The following GABARAPL1 variants were observed in gnomAD, a reference collection of about 807,000 sequenced individuals.
GABARAPL1 encodes gamma-aminobutyric acid receptor-associated protein-like 1.
Under a neutral mutation model 14.5 loss-of-function variants are expected in GABARAPL1, and 4 were observed. The ratio of observed to expected loss-of-function variants is 0.28; its 90% confidence interval spans 0.14 to 0.63. The LOEUF is 0.63. Among genes scored for constraint, GABARAPL1 ranks in the 30% least tolerant of loss-of-function variants. The pLI, the probability that GABARAPL1 is intolerant of heterozygous loss-of-function variation, is 0.84. For synonymous variants in GABARAPL1, 47 were observed against 50.6 expected, an observed-to-expected ratio of 0.93 and a Z score of 0.30; for missense variants, 82 against 139.2, an observed-to-expected ratio of 0.59 and a Z score of 2.07.
chr12:10,215,415 G>T (rs1199240005), intron 1 of GABARAPL1, among the ~76,000 whole-genome samples: 1 of 152,152 alleles, frequency 6.6e-6, no homozygotes, highest in East Asian at 1.9e-4. Context: ...GTTAGGAACA[G>T]ATTGTCTATT....
intron 2 of GABARAPL1, 46 bp downstream of exon 2, chr12:10,218,187 C>G (rs767228007): frequency 9.5e-7 from 1 of 1,051,220 alleles, no homozygotes; most frequent in South Asian, 1.3e-5. Flanking sequence ...TGAAAAAACT[C>G]TCTAGATCCT....
intron 2 of GABARAPL1, among the ~76,000 whole-genome samples, chr12:10,219,472 A>G (rs1176704799): frequency 6.6e-6 from 1 of 152,140 alleles, no homozygotes; most frequent in East Asian, 1.9e-4. Context: ...ACATTTTTTT[A>G]AACTAAGTTT....
At chr12:10,220,961 G>A (rs1949117774) in intron 3 of GABARAPL1, 1 of 1,261,926 alleles carries the variant, frequency 7.9e-7, no homozygotes, top group Admixed American at 3.7e-5. Context: ...CTCCCATTTA[G>A]CAACAGATTG....
intron 3 of GABARAPL1, 145 bp from the exon 4 acceptor site, chr12:10,221,642 C>A: frequency 1.0e-6 from 1 of 992,232 alleles, no homozygotes; most frequent in Non-Finnish European, 1.5e-6. Flanking sequence ...GTAATTCCAA[C>A]CACTTCTCCC....
rs1472742936 is a variant in GABARAPL1, at chr12:10,222,996, T to G, written c.*1144T>G. 6.6e-6 allele frequency: 1 copy of G among 152,626 alleles called. No homozygotes were observed. The highest frequency in any genetic ancestry group is 2.4e-5 in the African/African-American group (1 of 41,436). The allele number at this position is 152,626 out of a possible 1,614,324, so 9.5% of individuals were successfully genotyped here. ...ATTGCACTCAGACATGACATTTCAA[T>G]TCATCTCTGCTAATGAAAAGGGTTC... On this transcript the variant is annotated 3_prime_UTR_variant, in exon 4 of 4. Coordinates refer to ENST00000266458, the MANE Select transcript of GABARAPL1 (RefSeq NM_031412.4).
At chr12:10,217,960 C>G in intron 1 of GABARAPL1, 103 bp from the exon 2 acceptor site, 1 of 736,548 alleles carries the variant, frequency 1.4e-6, no homozygotes, top group South Asian at 1.5e-5. Flanking sequence ...TGGGCCTAGA[C>G]AGATTCATTT....
At chr12:10,214,541 A>G (rs1949077411) in intron 1 of GABARAPL1, 2 of 152,310 alleles carry the variant, frequency 1.3e-5, no homozygotes, top group East Asian at 3.9e-4. Flanking sequence ...TTCTGGTGAT[A>G]CCAATCTTTT....
Position 10,218,096 on chromosome 12 carries a change from C to T in GABARAPL1, c.124C>T (p.Pro42Ser), listed in dbSNP as rs749513430. The T allele has an allele frequency of 6.2e-7, 1 of 1,610,750 alleles. No homozygotes were observed. Among genetic ancestry groups the T allele is most frequent in the African/African-American group, 1.3e-5 (1 of 74,950 alleles). The change falls in exon 2 of 4, where the codon CCT (proline) becomes TCT (serine). Residue 42 changes from proline (P) to serine (S), a missense_variant. Physicochemically the swap from Pro to Ser is moderately conservative, Grantham distance 74. Around this residue, in one of 3 missense-constraint regions of GABARAPL1, gnomAD observed 65 missense variants for 103.7 expected, o/e 0.63. Coordinates refer to ENST00000266458, the MANE Select transcript of GABARAPL1 (RefSeq NM_031412.4). Reference sequence around the variant, plus strand: ...AGAGAAGGCTCCAAAAGCCAGGGTGCCTGATCTGGACAAGAGGAAGTACCT... The same window carrying T: ...AGAGAAGGCTCCAAAAGCCAGGGTGTCTGATCTGGACAAGAGGAAGTACCT... The part of the protein sequence containing the change: ...IVEKAPKARV[P>S]DLDKRKYLVP...
Position 10,222,024 on chromosome 12 carries a change from AT to A in GABARAPL1, c.*178del. 1.6e-6 allele frequency: 1 copy of A among 632,094 alleles called. No homozygotes were observed. Among genetic ancestry groups the A allele is most frequent in the Non-Finnish European group, 2.8e-6 (1 of 356,248 alleles). The allele number at this position is 632,094 out of a possible 1,614,324, so 39.2% of individuals were successfully genotyped here. On this transcript the variant is annotated 3_prime_UTR_variant, in exon 4 of 4. Coordinates refer to ENST00000266458, the MANE Select transcript of GABARAPL1 (RefSeq NM_031412.4). ...TCACATTTTCACATGCTCAATTGAT[AT>A]TTTTTGCTGCTTCCTCGGCCCAGGG...
Position 10,213,784 on chromosome 12 carries a change from GA to G in GABARAPL1, c.90+569del. 4 of 454,530 alleles carry G rather than the reference GA, an allele frequency of 8.8e-6. No homozygotes were observed. The Admixed American group carries it at 9.5e-5, about 11-fold the overall frequency. 28.2% of individuals were successfully genotyped at this position (454,530 alleles called of 1,614,324 possible). A position where few individuals can be genotyped will look rare whatever the true frequency, so the allele number is the denominator to read the frequency against. On this transcript the variant is annotated intron_variant, in intron 1 of 3. Transcript: ENST00000266458. ...GGGAGCACAAGACAGTCCTGGCCTG[GA>G]AAACAAGGTCACGTTCTCTGCCCAA...
intron 1 of GABARAPL1, among the ~76,000 whole-genome samples, chr12:10,215,558 C>T (rs1355955217): frequency 1.3e-5 from 2 of 152,166 alleles, no homozygotes; most frequent in Non-Finnish European, 2.9e-5. Context: ...GGAAACTTAA[C>T]CTTGGTACTG....
intron 3 of GABARAPL1, 132 bp downstream of exon 3, chr12:10,220,690 A>T (rs779055179): frequency 1.0e-4 from 156 of 1,549,496 alleles, no homozygotes; most frequent in Non-Finnish European, 1.3e-4. Context: ...ATCCTCTTAC[A>T]TATGGCAGTG....
At chr12:10,220,871 C>A in intron 3 of GABARAPL1, 1 of 1,413,834 alleles carries the variant, frequency 7.1e-7, no homozygotes, top group Non-Finnish European at 9.2e-7. Flanking sequence ...AGTTCCAAAG[C>A]GTCAGCCCAT....
In GABARAPL1 at chr12:10,218,051, C is replaced by A. The variant is rs534160216; in HGVS notation, c.91-12C>A. 6.4e-7 allele frequency: 1 copy of A among 1,551,166 alleles called. No homozygotes were observed. The highest frequency in any genetic ancestry group is 1.4e-5 in the African/African-American group (1 of 73,740). On this transcript the variant is annotated splice_polypyrimidine_tract_variant and intron_variant, in intron 1 of 3. Coordinates refer to ENST00000266458, the MANE Select transcript of GABARAPL1 (RefSeq NM_031412.4). ...TGTAGTTTTCATTCCTACTCTCCTC[C>A]TCTTCTTCCAGGTGATTGTAGAGAA...
chr12:10,213,334 G>C, intron 1 of GABARAPL1, 115 bp downstream of exon 1: 1 of 724,242 alleles, frequency 1.4e-6, no homozygotes. Flanking sequence ...GAGGTTCCGA[G>C]AATTACTTAA....
At chr12:10,213,492 A>G (rs971673804) in intron 1 of GABARAPL1, 2 of 441,276 alleles carry the variant, frequency 4.5e-6, no homozygotes, top group African/African-American at 4.1e-5. Flanking sequence ...CAACCCACAC[A>G]CGGTCTCAGC....
chr12:10,213,435 G>C (rs1949069585), intron 1 of GABARAPL1: 1 of 609,068 alleles, frequency 1.6e-6, no homozygotes, highest in African/African-American at 1.8e-5. Flanking sequence ...CCCCACTTCA[G>C]GGCTGACGGC....
At chr12:10,214,397 G>T (rs1251735515) in intron 1 of GABARAPL1, 1 of 152,384 alleles carries the variant, frequency 6.6e-6, no homozygotes, top group Non-Finnish European at 1.5e-5. Context: ...AGTCATTAGG[G>T]CTCTTCATTC....
chr12:10,219,785 G>C (rs1294270418), intron 2 of GABARAPL1, among the ~76,000 whole-genome samples: 1 of 151,578 alleles, frequency 6.6e-6, no homozygotes, highest in Non-Finnish European at 1.5e-5. Flanking sequence ...CTGGGTGACA[G>C]AGTAGAACTC....
Sources: allele counts gnomAD v4.1 joint callset (sites outside exome capture counted in the v4.1 genomes callset), GRCh38; gene constraint gnomAD v4.1.1; regional missense constraint gnomAD v4.1.1; transcripts MANE v1.5; gene names NCBI Gene and HGNC (gene_info 2026-07-23, HGNC 2026-07-21).